The following GLIS1 variants were observed in gnomAD, a reference collection of about 807,000 sequenced individuals.
GLIS1 encodes zinc finger protein GLIS1.
A neutral mutation model predicts 63.8 loss-of-function variants in GLIS1; 24 were observed. The observed-to-expected ratio is 0.38, with a 90% CI of 0.27 to 0.53. The LOEUF (loss-of-function observed/expected upper bound fraction) is 0.53, where lower values mean the gene tolerates loss of function less well. Ranked by LOEUF, GLIS1 falls within the 20% of genes least tolerant of loss-of-function variation. The pLI, the probability that GLIS1 is intolerant of heterozygous loss-of-function variation, is 0.85. For synonymous variants in GLIS1, 450 were observed against 482.5 expected, an observed-to-expected ratio of 0.93 and a Z score of 0.88; for missense variants, 1,036 against 1,074.1, an observed-to-expected ratio of 0.96 and a Z score of 0.50.
intron 2 of GLIS1, among the ~76,000 whole-genome samples, chr1:53,697,811 G>A (rs1380831312): frequency 6.6e-6 from 1 of 152,194 alleles, no homozygotes; most frequent in Non-Finnish European, 1.5e-5. Context: ...TTTTACAGAT[G>A]AGGGAACAGA....
chr1:53,596,968 G>A (rs1465247709), intron 3 of GLIS1, among the ~76,000 whole-genome samples: 1 of 151,920 alleles, frequency 6.6e-6, no homozygotes, highest in Non-Finnish European at 1.5e-5. Context: ...CCAGGTCCCT[G>A]ACCTTGGGCA....
intron 2 of GLIS1, among the ~76,000 whole-genome samples, chr1:53,627,761 G>A (rs1271270779): frequency 6.6e-6 from 1 of 152,206 alleles, no homozygotes; most frequent in East Asian, 1.9e-4. Context: ...AACCAGAGAG[G>A]AGGTGGAGGG....
intron 4 of GLIS1, among the ~76,000 whole-genome samples, chr1:53,573,908 C>T (rs1291942874): frequency 1.3e-5 from 2 of 152,232 alleles, no homozygotes; most frequent in African/African-American, 4.8e-5. Context: ...ATCTAAGGGG[C>T]TCTTTTAGAA....
rs374403445 is a variant in GLIS1 at position 53,536,123 on chromosome 1, G to A, written c.1321-6171C>T. On this transcript the variant is annotated intron_variant, in intron 4 of 10. Transcript: ENST00000628545. ...TGTGCAGAGGCATCAGCGCTCTGAC[G>A]CCATCTGTCCATGCAGAGAATGATA... Among the ~76,000 whole-genome samples the A allele has an allele frequency of 8.5e-5, 13 of 152,142 alleles. No homozygotes were observed. The South Asian group carries it at 2.3e-3, about 27-fold the overall frequency.
At position 53,657,894 on chromosome 1, in the gene GLIS1, C is replaced by T. The variant is rs117357248; in HGVS notation, c.260-57616G>A. 2.5e-3 allele frequency among the ~76,000 whole-genome samples: 387 copies of T among 152,288 alleles called. 5 individuals are homozygous for T. The East Asian group carries it at 0.054, about 21-fold the overall frequency. On this transcript the variant is annotated intron_variant, in intron 2 of 10. Coordinates refer to ENST00000628545, the MANE Select transcript of GLIS1 (RefSeq NM_001367484.1). ...CAGATCATCCACCCTTGCCCCTTCT[C>T]TGCACCCTCTCTGTTCTCTCCCTTT...
At chr1:53,628,417 G>A (rs928924964) in intron 2 of GLIS1, among the ~76,000 whole-genome samples, 2 of 152,148 alleles carry the variant, frequency 1.3e-5, no homozygotes, top group African/African-American at 4.8e-5. Flanking sequence ...AGAGCCATGG[G>A]AGGGACTGTA....
In GLIS1 at chr1:53,594,647, C is replaced by G; in HGVS notation, c.781G>C (p.Val261Leu). ...ASSSPCASSD[V>L]TSIIRSSQTS... Reference sequence around the variant, plus strand: ...TGGGAGGAGCGGATGATGGAGGTGACGTCGGAGGAGGCACAGGGTGAGGAG... The same window carrying G: ...TGGGAGGAGCGGATGATGGAGGTGAGGTCGGAGGAGGCACAGGGTGAGGAG... Residue 261 changes from valine to leucine, a missense_variant, in exon 4 of 11, where the codon GTC becomes CTC. Physicochemically the swap from Val to Leu is conservative, Grantham distance 32. Coordinates refer to ENST00000628545, the MANE Select transcript of GLIS1 (RefSeq NM_001367484.1). 2 of 1,557,364 alleles carry G rather than the reference C, an allele frequency of 1.3e-6. No homozygotes were observed. The highest frequency in any genetic ancestry group is 1.2e-5 in the South Asian group (1 of 82,186).
At chr1:53,624,059 G>A (rs1645571207) in intron 2 of GLIS1, among the ~76,000 whole-genome samples, 1 of 152,156 alleles carries the variant, frequency 6.6e-6, no homozygotes. Context: ...AAATACATAT[G>A]TGAAAATATT....
At chr1:53,534,230 G>A (rs1033543673) in intron 4 of GLIS1, among the ~76,000 whole-genome samples, 27 of 152,004 alleles carry the variant, frequency 1.8e-4, no homozygotes, top group African/African-American at 5.6e-4. Flanking sequence ...CATCTAGCAC[G>A]TCCCTGGCTT....
intron 2 of GLIS1, among the ~76,000 whole-genome samples, chr1:53,720,042 G>A (rs190728243): frequency 1.1e-4 from 17 of 152,294 alleles, no homozygotes; most frequent in Admixed American, 1.0e-3. Flanking sequence ...TGGGCATGGT[G>A]GCATGCGCCT....
Position 53,736,560 on chromosome 1 carries a change from T to C in GLIS1, c.259+1246A>G, listed in dbSNP as rs1184495807. On this transcript the variant is annotated intron_variant, in intron 2 of 10. Coordinates refer to ENST00000628545, the MANE Select transcript of GLIS1 (RefSeq NM_001367484.1). ...CCTCTCTGGTAAAAGAGACCTCATA[T>C]GTGTGTATTCCAGCAATAACACTCA... Among the ~76,000 whole-genome samples, 8 of 152,202 alleles carry C rather than the reference T, an allele frequency of 5.3e-5. 1 individual carries two copies. In the South Asian group the frequency reaches 1.7e-3, roughly 32 times the overall value.
At chr1:53,555,836 GTGTGTGTGCAGGTGTACTGTAGGTA>G (rs1644814447) in intron 4 of GLIS1, among the ~76,000 whole-genome samples, 4 of 150,416 alleles carry the variant, frequency 2.7e-5, no homozygotes, top group Non-Finnish European at 5.9e-5. Context: ...CTGCAGGTGT[GTGTGTGTGCAGGTGTACTGTAGGTA>G]TGTGTGTGCA....
chr1:53,605,863 C>T (rs935771887), intron 2 of GLIS1, among the ~76,000 whole-genome samples: 7 of 152,200 alleles, frequency 4.6e-5, no homozygotes, highest in African/African-American at 1.4e-4. Flanking sequence ...ACAGCAAGTG[C>T]TTAGAAATGC....
chr1:53,660,615 G>C (rs547149257), intron 2 of GLIS1, among the ~76,000 whole-genome samples: 2 of 152,226 alleles, frequency 1.3e-5, no homozygotes, highest in African/African-American at 4.8e-5. Context: ...GCCTGGGGTG[G>C]AGAAAAGGGG....
rs774990737 is a variant in GLIS1 at position 53,506,796 on chromosome 1, G to C, written c.2231-20C>G. ...CATAGCCTGTGAGTGGTTGGGAAAG[G>C]GTCAGCGCTGGAGGCAGCAGGGGCT... On this transcript the variant is annotated intron_variant, in intron 10 of 10. Coordinates refer to ENST00000628545, the MANE Select transcript of GLIS1 (RefSeq NM_001367484.1). 2 of 1,602,486 alleles carry C rather than the reference G, an allele frequency of 1.2e-6. No homozygotes were observed. Among genetic ancestry groups the C allele is most frequent in the Non-Finnish European group, 1.7e-6 (2 of 1,178,790 alleles).
intron 2 of GLIS1, among the ~76,000 whole-genome samples, chr1:53,710,630 A>T (rs1163365300): frequency 6.6e-6 from 1 of 152,188 alleles, no homozygotes; most frequent in East Asian, 1.9e-4. Flanking sequence ...AAGCACCTAG[A>T]ATGGTCAGTC....
intron 7 of GLIS1, among the ~76,000 whole-genome samples, chr1:53,516,072 C>G (rs1002572416): frequency 1.3e-5 from 2 of 151,984 alleles, no homozygotes; most frequent in African/African-American, 2.4e-5. Flanking sequence ...GGGGCTAGCC[C>G]GGGGCTGCAC....
chr1:53,594,841 T>C lies in GLIS1; in HGVS notation c.587A>G (p.His196Arg), dbSNP rs1471575295. The C allele has an allele frequency of 4.4e-6, 7 of 1,600,882 alleles. No homozygotes were observed. Among genetic ancestry groups the C allele is most frequent in the Middle Eastern group, 1.9e-4 (1 of 5,206 alleles). Residue 196 changes from histidine (H) to arginine (R), a missense_variant, in exon 4 of 11, where the codon CAC becomes CGC. By Grantham distance (29) the His-to-Arg change is conservative. Transcript: ENST00000628545. Reference sequence around the variant, plus strand: ...TCGGCCCGGGAGGTCCAGGTCTGGGTGCAGGCCAGTGGCCAGCGGGCCCCG... The same window carrying C: ...TCGGCCCGGGAGGTCCAGGTCTGGGCGCAGGCCAGTGGCCAGCGGGCCCCG... ...HCRGPLATGL[H>R]PDLDLPGRSL...
intron 4 of GLIS1, among the ~76,000 whole-genome samples, chr1:53,552,004 AC>A (rs1644765078): frequency 6.6e-6 from 1 of 151,280 alleles, no homozygotes; most frequent in South Asian, 2.1e-4. Flanking sequence ...CCCCAATCAC[AC>A]CCCCAAACAA....
Sources: gnomAD v4.1 joint callset for allele counts (sites outside exome capture counted in the v4.1 genomes callset) on GRCh38, gnomAD v4.1.1 for gene constraint, MANE v1.5 for transcripts, NCBI Gene and HGNC (gene_info 2026-07-23, HGNC 2026-07-21) for gene names.